The following MAP4K3 variants were observed in gnomAD, a reference collection of about 807,000 sequenced individuals.
MAP4K3 encodes the protein mitogen-activated protein kinase kinase kinase kinase 3.
A neutral mutation model predicts 143.5 loss-of-function variants in MAP4K3; 94 were observed. The ratio of observed to expected loss-of-function variants is 0.65; its 90% CI spans 0.55 to 0.78. MAP4K3 has a LOEUF of 0.78. Ranked by LOEUF, MAP4K3 falls within the 30% of genes least tolerant of loss-of-function variation. MAP4K3 has a pLI of 0.00. For missense variants in MAP4K3, 1,077 were observed against 1,068.1 expected (o/e 1.01, Z -0.12); for synonymous variants, 416 against 347.2 (o/e 1.20, Z -2.20).
At chr2:39,299,954 G>A (rs930313932) in intron 15 of MAP4K3, 153 bp from the exon 16 acceptor site, 8 of 364,120 alleles carry the variant, frequency 2.2e-5, no homozygotes, top group African/African-American at 8.5e-5. Flanking sequence ...AGGATTTCAC[G>A]AGTTCATAGT....
At chr2:39,419,972 A>G (rs1055582792) in intron 1 of MAP4K3, among the ~76,000 whole-genome samples, 4 of 152,220 alleles carry the variant, frequency 2.6e-5, no homozygotes, top group African/African-American at 9.6e-5. Context: ...TAGTAATGAC[A>G]TATCCCATCT....
In MAP4K3 at chr2:39,326,240, C is replaced by T; in HGVS notation, c.568G>A (p.Gly190Ser). Residue 190 changes from glycine to serine, a missense_variant, in exon 9 of 34, where the codon GGT becomes AGT. Transcript: ENST00000263881. ...CAGAGATCACAGAGTTGATTGTAAC[C>T]CCCCTTCCTCTCAACAGCTGCAACT... ...PEVAAVERKGGYNQLCDLWAV... is the reference protein window; with the variant it reads ...PEVAAVERKGSYNQLCDLWAV... 6.2e-7 allele frequency: 1 copy of T among 1,613,468 alleles called. No individual in the cohort carries two copies. Among genetic ancestry groups the T allele is most frequent in the Non-Finnish European group, 8.5e-7 (1 of 1,179,682 alleles).
chr2:39,356,847 C>G (rs1031438513), intron 2 of MAP4K3, among the ~76,000 whole-genome samples: 1 of 152,052 alleles, frequency 6.6e-6, no homozygotes, highest in Non-Finnish European at 1.5e-5. Context: ...CCTTTATTTC[C>G]AAGTAACATT....
intron 22 of MAP4K3, among the ~76,000 whole-genome samples, chr2:39,280,977 A>G (rs1681498496): frequency 6.6e-6 from 1 of 152,202 alleles, no homozygotes; most frequent in South Asian, 2.1e-4. Context: ...TTTTCAGATA[A>G]TAAATATATC....
At chr2:39,363,593 C>T (rs1186769723) in intron 2 of MAP4K3, among the ~76,000 whole-genome samples, 3 of 139,668 alleles carry the variant, frequency 2.1e-5, no homozygotes, top group South Asian at 2.2e-4. Flanking sequence ...TGCTTGAACC[C>T]AGGAGGTGGA....
chr2:39,427,340 T>C (rs935700343), intron 1 of MAP4K3, among the ~76,000 whole-genome samples: 2 of 151,700 alleles, frequency 1.3e-5, no homozygotes, highest in South Asian at 4.1e-4. Flanking sequence ...AGAAAAAAAA[T>C]CCTACCAAAT....
At chr2:39,306,859 CCTT>C (rs1182805484) in intron 15 of MAP4K3, among the ~76,000 whole-genome samples, 2 of 152,212 alleles carry the variant, frequency 1.3e-5, no homozygotes, top group East Asian at 3.8e-4. Context: ...GAGCTCTTCT[CCTT>C]CTCTCATCTC....
In MAP4K3 at chr2:39,299,831, A is replaced by G. The variant is rs1252434889; in HGVS notation, c.1120-30T>C. ...TAGTACAAAATAAAATATTTAGCAC[A>G]ATAGTAGTATATGACACACCATGAT... On this transcript the variant is annotated intron_variant, in intron 15 of 33. Coordinates refer to ENST00000263881, the MANE Select transcript of MAP4K3 (RefSeq NM_003618.4). 3 of 1,240,292 alleles carry G rather than the reference A, an allele frequency of 2.4e-6. No homozygotes were observed. The South Asian group carries it at 4.5e-5, about 19-fold the overall frequency. The allele number at this position is 1,240,292 out of a possible 1,614,324, so 76.8% of individuals were successfully genotyped here. A position where few individuals can be genotyped will look rare whatever the true frequency, so the allele number is the denominator to read the frequency against.
chr2:39,384,352 C>T (rs1666436220), intron 1 of MAP4K3, among the ~76,000 whole-genome samples: 1 of 152,180 alleles, frequency 6.6e-6, no homozygotes. Flanking sequence ...TCAAGACCAG[C>T]CTGACCAATA....
chr2:39,372,082 TA>T (rs1666098189), intron 2 of MAP4K3, among the ~76,000 whole-genome samples: 1 of 151,790 alleles, frequency 6.6e-6, no homozygotes, highest in African/African-American at 2.4e-5. Context: ...ATAAATTCAG[TA>T]AAGCTGCAGG....
chr2:39,381,417 T>C (rs1294285254), intron 1 of MAP4K3, among the ~76,000 whole-genome samples: 3 of 152,212 alleles, frequency 2.0e-5, no homozygotes, highest in Non-Finnish European at 4.4e-5. Context: ...TGCAAGTATT[T>C]TCTCCCATTC....
chr2:39,378,513 G>A (rs974111131), intron 1 of MAP4K3, among the ~76,000 whole-genome samples: 6 of 152,128 alleles, frequency 3.9e-5, no homozygotes, highest in African/African-American at 1.4e-4. Context: ...CCAGTGAGTC[G>A]ACAGTGCTGG....
chr2:39,268,135 T>G (rs543387124), intron 26 of MAP4K3, among the ~76,000 whole-genome samples: 1 of 152,298 alleles, frequency 6.6e-6, no homozygotes, highest in Non-Finnish European at 1.5e-5. Context: ...GTGCTATAGG[T>G]GTTTTGCAAA....
intron 4 of MAP4K3, 26 bp downstream of exon 4, chr2:39,343,362 C>T: frequency 6.5e-7 from 1 of 1,546,200 alleles, no homozygotes; most frequent in South Asian, 1.1e-5. Context: ...AACCTAACCC[C>T]TATAAAAATA....
chr2:39,303,399 G>GA (rs1397342299), intron 15 of MAP4K3, among the ~76,000 whole-genome samples: 1 of 152,178 alleles, frequency 6.6e-6, no homozygotes, highest in Admixed American at 6.5e-5. Context: ...TAAGGAGCCT[G>GA]AAAATGGAAT....
chr2:39,395,140 T>C (rs1020046163), intron 1 of MAP4K3, among the ~76,000 whole-genome samples: 2 of 152,152 alleles, frequency 1.3e-5, no homozygotes, highest in Admixed American at 6.6e-5. Flanking sequence ...AATGCCATTG[T>C]TCCCACTCAA....
chr2:39,262,693 G>A (rs1680615926), intron 28 of MAP4K3, among the ~76,000 whole-genome samples: 1 of 152,150 alleles, frequency 6.6e-6, no homozygotes, highest in Non-Finnish European at 1.5e-5. Context: ...GTCCTCGAGG[G>A]CAGCAATTGT....
At chr2:39,345,358 A>AGTGATCT (rs890293149) in intron 3 of MAP4K3, among the ~76,000 whole-genome samples, 1 of 152,122 alleles carries the variant, frequency 6.6e-6, no homozygotes, top group African/African-American at 2.4e-5. Flanking sequence ...TCGAAGTTAT[A>AGTGATCT]GTGATCTATG....
intron 2 of MAP4K3, among the ~76,000 whole-genome samples, chr2:39,374,453 G>A (rs1046606214): frequency 2.0e-5 from 3 of 151,978 alleles, no homozygotes; most frequent in Admixed American, 2.0e-4. Context: ...AGGCAGAGGC[G>A]GGTGGATCAC....
Sources: allele counts gnomAD v4.1 joint callset (sites outside exome capture counted in the v4.1 genomes callset), GRCh38; gene constraint gnomAD v4.1.1; transcripts MANE v1.5; gene names NCBI Gene and HGNC (gene_info 2026-07-23, HGNC 2026-07-21).